The following ASIC2 variants were observed in gnomAD, a reference collection of about 807,000 sequenced individuals.
ASIC2 encodes acid sensing ion channel subunit 2, also known as acid-sensing ion channel 2.
A neutral mutation model predicts 57.3 loss-of-function variants in ASIC2; 25 were observed. The observed-to-expected ratio is 0.44, with a 90% CI of 0.32 to 0.61. ASIC2 has a LOEUF of 0.61. Among genes scored for constraint, ASIC2 ranks in the 20% least tolerant of loss-of-function variants. The pLI is 0.06. For missense variants in ASIC2, 641 were observed against 738.1 expected (o/e 0.87, Z 1.52); for synonymous variants, 319 against 307.5 (o/e 1.04, Z -0.39).
intron 1 of ASIC2, among the ~76,000 whole-genome samples, chr17:33,598,499 TG>T (rs1188396293): frequency 1.3e-5 from 2 of 152,108 alleles, no homozygotes; most frequent in Non-Finnish European, 2.9e-5. Context: ...TGAAGGGTGG[TG>T]TTTCTTCAGG....
chr17:34,089,645 G>T (rs1910250644), intron 1 of ASIC2, among the ~76,000 whole-genome samples: 1 of 152,046 alleles, frequency 6.6e-6, no homozygotes, highest in Non-Finnish European at 1.5e-5. Context: ...TCTCTGCTTG[G>T]CCCCAGGTCC....
chr17:34,151,105 G>GAA (rs56803983), intron 1 of ASIC2, among the ~76,000 whole-genome samples: 1,723 of 125,130 alleles, frequency 0.014, 33 homozygotes, highest in African/African-American at 0.023. Context: ...TCCATCTCAA[G>GAA]AAAAAAAAAA....
rs1361080236 is a variant in ASIC2 at position 33,211,975 on chromosome 17, G to A, written c.708+79433C>T. ...CGATCCTCACTATGGCCCAGGAAGG[G>A]TGACTTCCATTTTACAGAAGAGGAA... is the stretch of plus-strand genomic sequence containing the variant. On this transcript the variant is annotated intron_variant, in intron 1 of 9. Coordinates refer to ENST00000225823, the MANE Select transcript of ASIC2 (RefSeq NM_183377.2). Among the ~76,000 whole-genome samples, 5 of 152,150 alleles carry A rather than the reference G, an allele frequency of 3.3e-5. No individual in the cohort carries two copies. The East Asian group carries it at 9.7e-4, about 29-fold the overall frequency.
rs542751739 is a variant in ASIC2, at chr17:33,712,007, C to T, written c.555+443971G>A. 2.6e-5 allele frequency among the ~76,000 whole-genome samples: 4 copies of T among 152,302 alleles called. No individual in the cohort carries two copies. The South Asian group carries it at 8.3e-4, about 32-fold the overall frequency. ...CATAAATGAGGCCTCCTGACTCAAT[C>T]CAATCATCATCCCCCTTTTCTCCAT... On this transcript the variant is annotated intron_variant, in intron 1 of 9. Coordinates refer to the ASIC2 transcript ENST00000359872.
intron 1 of ASIC2, among the ~76,000 whole-genome samples, chr17:34,062,500 A>G (rs2142061669): frequency 6.6e-6 from 1 of 152,278 alleles, no homozygotes; most frequent in South Asian, 2.1e-4. Context: ...AATCCAGTAG[A>G]AGAAAGTAAA....
chr17:33,158,221 T>C (rs1905063155), intron 1 of ASIC2, among the ~76,000 whole-genome samples: 1 of 152,216 alleles, frequency 6.6e-6, no homozygotes. Context: ...GGCTCACTGC[T>C]CCATCCCAGG....
At chr17:33,951,021 A>T (rs915376656) in intron 1 of ASIC2, among the ~76,000 whole-genome samples, 4 of 152,140 alleles carry the variant, frequency 2.6e-5, no homozygotes, top group Non-Finnish European at 5.9e-5. Flanking sequence ...GAGCCAGAAA[A>T]ACCTGATTGT....
intron 1 of ASIC2, among the ~76,000 whole-genome samples, chr17:33,756,563 TCA>T (rs1204101524): frequency 6.6e-6 from 1 of 152,130 alleles, no homozygotes; most frequent in East Asian, 1.9e-4. Context: ...AGACCTACAC[TCA>T]CAAGAGCCAG....
intron 1 of ASIC2, among the ~76,000 whole-genome samples, chr17:33,207,162 C>A (rs1907093039): frequency 6.6e-6 from 1 of 152,228 alleles, no homozygotes; most frequent in African/African-American, 2.4e-5. Context: ...GAGAATCCCA[C>A]AATATCCCCG....
intron 1 of ASIC2, among the ~76,000 whole-genome samples, chr17:34,110,250 A>G (rs1283612631): frequency 1.3e-4 from 20 of 152,220 alleles, no homozygotes; most frequent in Admixed American, 1.3e-3. Flanking sequence ...GTGGGCATCA[A>G]GTCAGCCCCA....
chr17:33,637,925 C>T (rs560791029), intron 1 of ASIC2, among the ~76,000 whole-genome samples: 14 of 152,148 alleles, frequency 9.2e-5, no homozygotes, highest in Non-Finnish European at 1.6e-4. Flanking sequence ...GGCTAGGGAA[C>T]GGGTGCTGCT....
At chr17:33,303,291 T>G (rs931623692) in intron 1 of ASIC2, among the ~76,000 whole-genome samples, 2 of 152,192 alleles carry the variant, frequency 1.3e-5, no homozygotes, top group African/African-American at 2.4e-5. Flanking sequence ...CAGAATTTTT[T>G]GGGGCCTGAA....
At chr17:33,347,348 G>T (rs1010513373) in intron 1 of ASIC2, among the ~76,000 whole-genome samples, 2 of 152,200 alleles carry the variant, frequency 1.3e-5, no homozygotes, top group Admixed American at 6.5e-5. Flanking sequence ...AAGTATTTTT[G>T]GGGGAAGGGT....
At chr17:34,056,835 C>T (rs1386220921) in intron 1 of ASIC2, among the ~76,000 whole-genome samples, 1 of 152,178 alleles carries the variant, frequency 6.6e-6, no homozygotes, top group Non-Finnish European at 1.5e-5. Context: ...ATGCTGAGTT[C>T]CTCATCGTTG....
At chr17:33,665,631 C>T (rs1907447772) in intron 1 of ASIC2, among the ~76,000 whole-genome samples, 1 of 152,198 alleles carries the variant, frequency 6.6e-6, no homozygotes, top group Admixed American at 6.5e-5. Context: ...CTTAAGTGTG[C>T]TCTCAGAATC....
chr17:33,421,386 C>T (rs1911037852), intron 1 of ASIC2, among the ~76,000 whole-genome samples: 1 of 152,188 alleles, frequency 6.6e-6, no homozygotes, highest in African/African-American at 2.4e-5. Flanking sequence ...TCTGTGTGCA[C>T]TTGGGGAAGT....
chr17:34,054,527 C>T (rs1292264524), intron 1 of ASIC2, among the ~76,000 whole-genome samples: 1 of 152,102 alleles, frequency 6.6e-6, no homozygotes, highest in African/African-American at 2.4e-5. Flanking sequence ...AGCATCCTAC[C>T]CAGTACCAGC....
chr17:33,920,394 A>G (rs1200169831), intron 1 of ASIC2, among the ~76,000 whole-genome samples: 1 of 152,200 alleles, frequency 6.6e-6, no homozygotes, highest in Non-Finnish European at 1.5e-5. Context: ...GAATGGAGTC[A>G]TGTCCTTTGC....
chr17:33,914,853 C>T lies in ASIC2; in HGVS notation c.555+241125G>A, dbSNP rs374625943. Among the ~76,000 whole-genome samples, 5 of 152,214 alleles carry T rather than the reference C, an allele frequency of 3.3e-5. No homozygotes were observed. In the East Asian group the frequency reaches 5.8e-4, roughly 18 times the overall value. ...AGGGCCATGAGTAGATAAATGCTTA[C>T]GAAGTAGTCACAGTTGATCGATCAG... On this transcript the variant is annotated intron_variant, in intron 1 of 9. Transcript: ENST00000359872.
Sources: allele counts gnomAD v4.1 joint callset (sites outside exome capture counted in the v4.1 genomes callset), GRCh38; gene constraint gnomAD v4.1.1; transcripts MANE v1.5; gene names NCBI Gene and HGNC (gene_info 2026-07-23, HGNC 2026-07-21).